Variants in CFAP299 observed in about 807,000 individuals in gnomAD.
CFAP299 encodes the protein cilia- and flagella-associated protein 299.
CFAP299 carries 21 observed loss-of-function variants against 27.0 expected under a neutral mutation model. The observed-to-expected ratio is 0.78, with a 90% CI of 0.55 to 1.12. The LOEUF is 1.12. Among genes scored for constraint, CFAP299 ranks in the 50% most tolerant of loss-of-function variants. The probability of loss-of-function intolerance (pLI) is 0.00; values close to 1 mark genes in which losing one functional copy is unlikely to be tolerated. For synonymous variants in CFAP299, 104 were observed against 98.1 expected (o/e 1.06, Z -0.36); for missense variants, 310 against 276.6 (o/e 1.12, Z -0.86).
chr4:80,327,682 G>T, the CFAP299 span, among the ~76,000 whole-genome samples: 10 of 18,728 alleles, frequency 5.3e-4, no homozygotes, highest in East Asian at 5.4e-3. Context: ...TATATATATA[G>T]AGAGAAGTTA....
chr4:80,658,127 T>A (rs1271669327), intron 3 of CFAP299, among the ~76,000 whole-genome samples: 1 of 152,174 alleles, frequency 6.6e-6, no homozygotes, highest in Non-Finnish European at 1.5e-5. Flanking sequence ...TAAGGAGATT[T>A]TGGGCTGAGA....
At chr4:80,788,985 G>T (rs1171807359) in intron 3 of CFAP299, among the ~76,000 whole-genome samples, 1 of 151,996 alleles carries the variant, frequency 6.6e-6, no homozygotes, top group African/African-American at 2.4e-5. Context: ...TCCCATATCT[G>T]CTCTCTTTGG....
intron 2 of CFAP299, among the ~76,000 whole-genome samples, chr4:80,523,871 T>C (rs1733043978): frequency 6.6e-6 from 1 of 152,114 alleles, no homozygotes; most frequent in South Asian, 2.1e-4. Flanking sequence ...ACCCTGACTC[T>C]AACACCAGGC....
intron 2 of CFAP299, among the ~76,000 whole-genome samples, chr4:80,434,617 T>A (rs1467424664): frequency 6.6e-6 from 1 of 152,234 alleles, no homozygotes; most frequent in Non-Finnish European, 1.5e-5. Context: ...ACTACCATTT[T>A]CAGAATATAA....
chr4:80,390,645 G>GTATACACACA (rs1578389396), intron 2 of CFAP299, among the ~76,000 whole-genome samples: 2 of 117,826 alleles, frequency 1.7e-5, no homozygotes, highest in African/African-American at 3.5e-5. Context: ...ACACATATAT[G>GTATACACACA]TATGTACACA....
At chr4:80,697,107 G>T (rs1578032760) in intron 3 of CFAP299, among the ~76,000 whole-genome samples, 2 of 152,170 alleles carry the variant, frequency 1.3e-5, no homozygotes, top group African/African-American at 4.8e-5. Context: ...ACTTTGGGAG[G>T]CCAAGGCAGG....
chr4:80,441,773 G>C (rs558121207), intron 2 of CFAP299, among the ~76,000 whole-genome samples: 1 of 152,178 alleles, frequency 6.6e-6, no homozygotes, highest in East Asian at 1.9e-4. Context: ...GTTGGATAAA[G>C]AGTCAAGACC....
At chr4:80,701,632 G>T (rs1721487843) in intron 3 of CFAP299, among the ~76,000 whole-genome samples, 2 of 151,928 alleles carry the variant, frequency 1.3e-5, no homozygotes, top group Admixed American at 6.6e-5. Context: ...TTTGAGTGTG[G>T]TTAATGGTGT....
chr4:80,410,356 T>C (rs1424088365), intron 2 of CFAP299, among the ~76,000 whole-genome samples: 2 of 152,178 alleles, frequency 1.3e-5, no homozygotes, highest in African/African-American at 2.4e-5. Context: ...CCCACCTCAG[T>C]GCAGGGAAAT....
intron 2 of CFAP299, among the ~76,000 whole-genome samples, chr4:80,417,322 C>G (rs1048392851): frequency 6.6e-6 from 1 of 152,046 alleles, no homozygotes; most frequent in African/African-American, 2.4e-5. Flanking sequence ...TATCAGAAGG[C>G]CTTTATGACC....
At chr4:80,426,645 A>G (rs147045331) in intron 2 of CFAP299, among the ~76,000 whole-genome samples, 2 of 152,330 alleles carry the variant, frequency 1.3e-5, no homozygotes, top group Non-Finnish European at 1.5e-5. Context: ...CTAGGACTCT[A>G]TATGTTTAGC....
intron 4 of CFAP299, among the ~76,000 whole-genome samples, chr4:80,883,980 A>C (rs1733847056): frequency 6.6e-6 from 1 of 152,090 alleles, no homozygotes; most frequent in African/African-American, 2.4e-5. Context: ...TAGGCCTGGT[A>C]CTCAATAGTT....
intron 2 of CFAP299, among the ~76,000 whole-genome samples, chr4:80,415,993 A>G (rs1190064149): frequency 1.3e-5 from 2 of 152,242 alleles, no homozygotes; most frequent in African/African-American, 4.8e-5. Context: ...TGAGTATTCT[A>G]TGGACAGGAT....
intron 1 of CFAP299, among the ~76,000 whole-genome samples, chr4:80,342,727 A>G (rs934729919): frequency 1.3e-5 from 2 of 152,232 alleles, no homozygotes; most frequent in Non-Finnish European, 2.9e-5. Flanking sequence ...ACTGAAGTAC[A>G]CAGTACACCA....
At chr4:80,711,520 A>G (rs866269346) in intron 3 of CFAP299, among the ~76,000 whole-genome samples, 11 of 152,150 alleles carry the variant, frequency 7.2e-5, no homozygotes, top group African/African-American at 2.4e-4. Flanking sequence ...CCTAGGCGTG[A>G]CAACTGGTGT....
intron 2 of CFAP299, chr4:80,420,293 T>G (rs778231863): frequency 1.3e-5 from 6 of 450,524 alleles, no homozygotes; most frequent in Non-Finnish European, 2.7e-5. Context: ...CAATGCTGAT[T>G]CTCTACAGAT....
chr4:80,361,684 T>C lies in CFAP299; in HGVS notation c.112-1070T>C, dbSNP rs1723554922. 2.0e-5 allele frequency among the ~76,000 whole-genome samples: 3 copies of C among 152,320 alleles called. No individual in the cohort carries two copies. In the South Asian group the frequency reaches 6.2e-4, roughly 32 times the overall value. On this transcript the variant is annotated intron_variant, in intron 1 of 5. Transcript: ENST00000358105. ...CACATTGCTTTGTGGAGTTTAGTAT[T>C]TGTTTTTAATGATTATAAAAGTGGC...
At chr4:80,929,057 G>A (rs780647398) in intron 4 of CFAP299, among the ~76,000 whole-genome samples, 52 of 152,136 alleles carry the variant, frequency 3.4e-4, no homozygotes, top group Non-Finnish European at 5.9e-4. Context: ...AGACATGCTT[G>A]AGAAAAATTT....
chr4:80,842,244 A>T (rs1308066652), intron 3 of CFAP299, among the ~76,000 whole-genome samples: 1 of 152,076 alleles, frequency 6.6e-6, no homozygotes, highest in Non-Finnish European at 1.5e-5. Context: ...CTACAGGTGA[A>T]CTCAGCCAAG....
Sources: gnomAD v4.1 joint callset for allele counts (sites outside exome capture counted in the v4.1 genomes callset) on GRCh38, gnomAD v4.1.1 for gene constraint, MANE v1.5 for transcripts, NCBI Gene and HGNC (gene_info 2026-07-23, HGNC 2026-07-21) for gene names.